The following GGNBP2 variants were observed in gnomAD, a reference collection of about 807,000 sequenced individuals.
GGNBP2 encodes the protein gametogenetin binding protein 2, also known as gametogenetin-binding protein 2.
GGNBP2 carries 10 observed loss-of-function variants against 85.9 expected under a neutral mutation model. The ratio of observed to expected loss-of-function variants is 0.12; its 90% confidence interval spans 0.07 to 0.20. The LOEUF (loss-of-function observed/expected upper bound fraction) is 0.20, where lower values mean the gene tolerates loss of function less well. Among genes scored for constraint, GGNBP2 ranks in the 10% least tolerant of loss-of-function variants. The pLI is 1.00. For synonymous variants in GGNBP2, 287 were observed against 285.7 expected (o/e 1.00, Z -0.05); for missense variants, 595 against 857.8 (o/e 0.69, Z 3.83).
chr17:36,579,479 C>A lies in GGNBP2; in HGVS notation c.1020+60C>A, dbSNP rs916151252. On this transcript the variant is annotated intron_variant, in intron 8 of 13. Coordinates refer to ENST00000613102, the MANE Select transcript of GGNBP2 (RefSeq NM_024835.5). ...GCTTAGTCACGTTATTGGACTGAAT[C>A]TTAATGTAAGCCACCAGTGCCTAAA... The A allele has an allele frequency of 1.7e-4, 241 of 1,455,706 alleles. 1 individual carries two copies. The highest frequency in any genetic ancestry group is 2.2e-4 in the Non-Finnish European group (226 of 1,043,470). 90.2% of individuals were successfully genotyped at this position (1,455,706 alleles called of 1,614,324 possible).
chr17:36,564,615 A>G (rs2074450949), intron 5 of GGNBP2, among the ~76,000 whole-genome samples: 1 of 152,196 alleles, frequency 6.6e-6, no homozygotes, highest in Non-Finnish European at 1.5e-5. Context: ...AGGTAGCTTC[A>G]GTTATTCCCA....
At chr17:36,552,746 C>T (rs990254046) in intron 2 of GGNBP2, among the ~76,000 whole-genome samples, 4 of 152,108 alleles carry the variant, frequency 2.6e-5, no homozygotes, top group Admixed American at 6.6e-5. Flanking sequence ...ATGGGTCAGG[C>T]GTGGTGACTC....
chr17:36,550,436 A>G (rs2074298128), intron 2 of GGNBP2, among the ~76,000 whole-genome samples: 1 of 152,100 alleles, frequency 6.6e-6, no homozygotes, highest in Non-Finnish European at 1.5e-5. Flanking sequence ...TGGGAATTAG[A>G]TGTTTTGTAA....
chr17:36,583,654 G>T (rs1346189072), intron 9 of GGNBP2, among the ~76,000 whole-genome samples: 3 of 151,720 alleles, frequency 2.0e-5, no homozygotes, highest in Non-Finnish European at 4.4e-5. Flanking sequence ...GTAGAGATGG[G>T]GTTTTGCCTT....
intron 3 of GGNBP2, among the ~76,000 whole-genome samples, chr17:36,556,409 A>G (rs2074361211): frequency 6.6e-6 from 1 of 152,192 alleles, no homozygotes; most frequent in Non-Finnish European, 1.5e-5. Context: ...AAAACAAAAC[A>G]AAACAAAAAA....
chr17:36,585,978 TAA>T lies in GGNBP2; in HGVS notation c.1492+14_1492+15del, dbSNP rs762577465. 1 of 1,614,074 alleles carries T rather than the reference TAA, an allele frequency of 6.2e-7. No individual in the cohort carries two copies. The highest frequency in any genetic ancestry group is 1.1e-5 in the South Asian group (1 of 91,044). On this transcript the variant is annotated intron_variant, in intron 11 of 13. Coordinates refer to ENST00000613102, the MANE Select transcript of GGNBP2 (RefSeq NM_024835.5). ...CATGATGAACACGGTAGGCTCACAT[TAA>T]GTTTCCCAGTTATTTCTACTACATG...
intron 13 of GGNBP2, among the ~76,000 whole-genome samples, chr17:36,588,929 AT>A (rs2074730724): frequency 6.6e-6 from 1 of 151,740 alleles, no homozygotes; most frequent in Non-Finnish European, 1.5e-5. Context: ...TTAATTAGTT[AT>A]TTTTTCAAGG....
At chr17:36,563,836 T>C (rs1292709300) in intron 5 of GGNBP2, among the ~76,000 whole-genome samples, 1 of 151,466 alleles carries the variant, frequency 6.6e-6, no homozygotes, top group East Asian at 1.9e-4. Context: ...CTCTGCCGCC[T>C]GGGTTCAAGT....
chr17:36,560,755 T>C lies in GGNBP2; in HGVS notation c.429-18T>C, dbSNP rs1240554444. The C allele has an allele frequency of 8.0e-7, 1 of 1,256,642 alleles. No individual in the cohort carries two copies. Among genetic ancestry groups the C allele is most frequent in the African/African-American group, 1.5e-5 (1 of 66,208 alleles). 77.8% of individuals were successfully genotyped at this position (1,256,642 alleles called of 1,614,324 possible). Reference sequence around the variant, plus strand: ...AGTAAAATGAATTAAACCCTTAATATGTTTTATTTTTAATTAGGTCCAAAC... The same window carrying C: ...AGTAAAATGAATTAAACCCTTAATACGTTTTATTTTTAATTAGGTCCAAAC... On this transcript the variant is annotated intron_variant, in intron 4 of 13. Coordinates refer to ENST00000613102, the MANE Select transcript of GGNBP2 (RefSeq NM_024835.5).
chr17:36,573,914 C>T (rs541992511), intron 6 of GGNBP2, among the ~76,000 whole-genome samples: 19 of 152,090 alleles, frequency 1.2e-4, no homozygotes, highest in Admixed American at 1.1e-3. Context: ...CTTTGTTGCC[C>T]AGGCTGGAGT....
chr17:36,576,109 G>A (rs547863927), intron 6 of GGNBP2, among the ~76,000 whole-genome samples: 1 of 143,022 alleles, frequency 7.0e-6, no homozygotes. Flanking sequence ...AGGCTGAGGT[G>A]GAGGGATCAC....
chr17:36,545,844 C>T, intron 2 of GGNBP2, 27 bp downstream of exon 2: 2 of 1,484,112 alleles, frequency 1.3e-6, no homozygotes, highest in Non-Finnish European at 1.8e-6. Flanking sequence ...GGGCTGGGCC[C>T]GCCGCTCCCC....
intron 7 of GGNBP2, 104 bp from the exon 8 acceptor site, chr17:36,579,141 T>C (rs2074619841): frequency 9.1e-6 from 8 of 876,900 alleles, no homozygotes; most frequent in Non-Finnish European, 1.5e-5. Context: ...ACTGTCTTGT[T>C]ACTAGGTAAG....
At chr17:36,565,141 ATTAAATGC>A (rs1201232987) in intron 5 of GGNBP2, among the ~76,000 whole-genome samples, 5 of 152,242 alleles carry the variant, frequency 3.3e-5, no homozygotes, top group Non-Finnish European at 5.9e-5. Context: ...GATCAACTAT[ATTAAATGC>A]GGCCAAGTTA....
intron 9 of GGNBP2, chr17:36,582,610 G>A (rs2074662246): frequency 6.6e-6 from 1 of 152,094 alleles, no homozygotes; most frequent in South Asian, 2.1e-4. Flanking sequence ...CCAGATGTGA[G>A]CTCCTGCAGT....
At chr17:36,555,616 A>C (rs1479517818) in intron 3 of GGNBP2, among the ~76,000 whole-genome samples, 2 of 152,176 alleles carry the variant, frequency 1.3e-5, no homozygotes, top group African/African-American at 4.8e-5. Flanking sequence ...GGATCTCTTG[A>C]GCCCAGGAGG....
intron 4 of GGNBP2, among the ~76,000 whole-genome samples, chr17:36,560,188 C>A (rs1358420923): frequency 3.3e-5 from 5 of 151,958 alleles, no homozygotes; most frequent in African/African-American, 1.2e-4. Context: ...GAACTCCTGG[C>A]CTCAAGTGAT....
At chr17:36,572,866 A>G (rs2074540255) in intron 6 of GGNBP2, among the ~76,000 whole-genome samples, 2 of 152,052 alleles carry the variant, frequency 1.3e-5, no homozygotes, top group Non-Finnish European at 2.9e-5. Flanking sequence ...AGCAACCACA[A>G]TTCTTCTTTC....
intron 2 of GGNBP2, among the ~76,000 whole-genome samples, chr17:36,554,139 T>G (rs1292191614): frequency 6.6e-6 from 1 of 151,576 alleles, no homozygotes; most frequent in African/African-American, 2.4e-5. Context: ...TGAAAACCCA[T>G]CTCTACTAAA....
Sources: gnomAD v4.1 joint callset for allele counts (sites outside exome capture counted in the v4.1 genomes callset) on GRCh38, gnomAD v4.1.1 for gene constraint, MANE v1.5 for transcripts, NCBI Gene and HGNC (gene_info 2026-07-23, HGNC 2026-07-21) for gene names.